The following TRPM3 variants were observed in gnomAD, a reference collection of about 807,000 sequenced individuals.
TRPM3 encodes the protein long transient receptor potential channel 3.
A neutral mutation model predicts 181.2 loss-of-function variants in TRPM3; 77 were observed. The observed-to-expected ratio is 0.42, with a 90% CI of 0.35 to 0.51. The LOEUF is 0.51. Among genes scored for constraint, TRPM3 ranks in the 20% least tolerant of loss-of-function variants. The pLI, the probability that TRPM3 is intolerant of heterozygous loss-of-function variation, is 0.01. For synonymous variants in TRPM3, 745 were observed against 796.4 expected (o/e 0.94, Z 1.09); for missense variants, 1,759 against 2,196.7 (o/e 0.80, Z 3.98).
At chr9:70,550,857 A>T (rs909829859) in intron 24 of TRPM3, among the ~76,000 whole-genome samples, 2 of 152,220 alleles carry the variant, frequency 1.3e-5, no homozygotes, top group African/African-American at 4.8e-5. Flanking sequence ...CTCTTGTCAA[A>T]TATGGGAGGC....
At chr9:71,158,688 A>C (rs1392139562) in intron 1 of TRPM3, among the ~76,000 whole-genome samples, 1 of 152,138 alleles carries the variant, frequency 6.6e-6, no homozygotes, top group African/African-American at 2.4e-5. Context: ...TGTCAACTTG[A>C]CTAAGCCATG....
At chr9:70,752,388 C>CA (rs1041586819) in intron 8 of TRPM3, among the ~76,000 whole-genome samples, 16 of 151,376 alleles carry the variant, frequency 1.1e-4, no homozygotes, top group African/African-American at 3.6e-4. Context: ...ATATCATACA[C>CA]AAAAAAAATC....
chr9:71,224,775 T>C (rs2080477460), intron 1 of TRPM3, among the ~76,000 whole-genome samples: 1 of 151,100 alleles, frequency 6.6e-6, no homozygotes, highest in African/African-American at 2.4e-5. Context: ...CAAGACCCTG[T>C]CTCTAAAAGA....
intron 2 of TRPM3, 55 bp from the exon 3 acceptor site, chr9:70,863,167 C>T (rs921064350): frequency 2.7e-6 from 4 of 1,470,978 alleles, no homozygotes; most frequent in East Asian, 4.6e-5. Flanking sequence ...TTGGGATACA[C>T]ACTTAAGGCA....
At chr9:71,423,264 C>A (rs1347033073) in intron 1 of TRPM3, among the ~76,000 whole-genome samples, 1 of 152,050 alleles carries the variant, frequency 6.6e-6, no homozygotes, top group Non-Finnish European at 1.5e-5. Context: ...TAGGAAAGAT[C>A]CACTAAAAGT....
In TRPM3 at chr9:71,080,624, CCTGGTCAT is replaced by C. The variant is rs1450777933; in HGVS notation, c.177+40546_177+40553del. 3.9e-5 allele frequency among the ~76,000 whole-genome samples: 6 copies of C among 152,090 alleles called. No individual in the cohort carries two copies. The East Asian group carries it at 1.2e-3, about 29-fold the overall frequency. ...TCCCACTGCCTCCTTGGGATGAATT[CCTGGTCAT>C]CCCCAACTCCAACTCTACCCAGCAA... On this transcript the variant is annotated intron_variant, in intron 1 of 25. Coordinates refer to ENST00000677713, the MANE Select transcript of TRPM3 (RefSeq NM_001366145.2).
chr9:71,277,908 A>C (rs2084350939), intron 1 of TRPM3, among the ~76,000 whole-genome samples: 1 of 152,212 alleles, frequency 6.6e-6, no homozygotes, highest in South Asian at 2.1e-4. Flanking sequence ...GTAAAGCAGG[A>C]GGTTATTTTT....
intron 1 of TRPM3, among the ~76,000 whole-genome samples, chr9:71,117,494 C>G (rs774074976): frequency 6.6e-6 from 1 of 152,080 alleles, no homozygotes; most frequent in East Asian, 1.9e-4. Context: ...AAATAGACAA[C>G]GTTCTTCAAT....
At chr9:70,937,357 T>C (rs1204197755) in intron 1 of TRPM3, among the ~76,000 whole-genome samples, 1 of 152,136 alleles carries the variant, frequency 6.6e-6, no homozygotes, top group African/African-American at 2.4e-5. Context: ...CATCCATAAG[T>C]TAGAAGATTT....
At chr9:71,150,207 C>CACAATGCACATAT (rs2075657558) in intron 1 of TRPM3, among the ~76,000 whole-genome samples, 1 of 151,936 alleles carries the variant, frequency 6.6e-6, no homozygotes, top group African/African-American at 2.4e-5. Flanking sequence ...GGTCCATATA[C>CACAATGCACATAT]ACACATGCAC....
chr9:71,367,657 G>A (rs745832828), intron 1 of TRPM3, among the ~76,000 whole-genome samples: 5 of 152,032 alleles, frequency 3.3e-5, no homozygotes, highest in Admixed American at 6.5e-5. Context: ...TAAGCTCATC[G>A]AAACCATCAA....
At chr9:71,099,609 TC>T (rs112965244) in intron 1 of TRPM3, among the ~76,000 whole-genome samples, 89 of 151,986 alleles carry the variant, frequency 5.9e-4, no homozygotes, top group African/African-American at 2.1e-3. Context: ...TTAGATGGGT[TC>T]CCCCCCTCAA....
intron 7 of TRPM3, among the ~76,000 whole-genome samples, chr9:70,778,084 C>A (rs1244948709): frequency 6.6e-6 from 1 of 151,924 alleles, no homozygotes; most frequent in Non-Finnish European, 1.5e-5. Flanking sequence ...TAGATTAATT[C>A]TTTGTCTGAG....
intron 1 of TRPM3, among the ~76,000 whole-genome samples, chr9:71,181,350 T>C (rs1234304576): frequency 7.0e-6 from 1 of 142,972 alleles, no homozygotes; most frequent in East Asian, 2.1e-4. Context: ...TTAAAAAGAA[T>C]AGAATGGGAA....
chr9:70,771,229 T>G (rs1327446016), intron 7 of TRPM3, among the ~76,000 whole-genome samples: 2 of 152,154 alleles, frequency 1.3e-5, no homozygotes, highest in Admixed American at 1.3e-4. Context: ...ATCAGCAAAT[T>G]CTACTGAGAG....
At chr9:70,868,495 A>C (rs528934191) in intron 1 of TRPM3, among the ~76,000 whole-genome samples, 2 of 152,204 alleles carry the variant, frequency 1.3e-5, no homozygotes, top group South Asian at 4.1e-4. Context: ...TTTTTCACAA[A>C]GTCTTTGCTA....
intron 6 of TRPM3, among the ~76,000 whole-genome samples, chr9:70,815,100 T>C (rs1391631826): frequency 2.0e-5 from 3 of 152,074 alleles, no homozygotes; most frequent in Non-Finnish European, 4.4e-5. Flanking sequence ...TTTTTATAAG[T>C]ATATATATGT....
chr9:70,978,047 T>C (rs2097324274), intron 1 of TRPM3, among the ~76,000 whole-genome samples: 1 of 152,192 alleles, frequency 6.6e-6, no homozygotes, highest in South Asian at 2.1e-4. Context: ...AACTCTCTAA[T>C]CATGCCTCGG....
In TRPM3 at chr9:70,536,658, A is replaced by T. The variant is rs1479781777; in HGVS notation, c.4455T>A (p.Ser1485=). The change falls in exon 26 of 26, where the codon TCT becomes TCA. Residue 1485 remains serine (S), a synonymous_variant. Coordinates refer to ENST00000677713, the MANE Select transcript of TRPM3 (RefSeq NM_001366145.2). The part of the protein sequence containing the change: ...DITSMDTRSF[S]SDYTHLPECQ... ...ATTCTGGGAGGTGGGTGTAGTCTGA[A>T]GAAAAAGATCTAGTGTCCATGGAGG... is the stretch of plus-strand genomic sequence containing the variant. The T allele has an allele frequency of 1.9e-6, 3 of 1,614,086 alleles. No individual in the cohort carries two copies. In the South Asian group the frequency reaches 3.3e-5, roughly 18 times the overall value.
Sources: gnomAD v4.1 joint callset for allele counts (sites outside exome capture counted in the v4.1 genomes callset) on GRCh38, gnomAD v4.1.1 for gene constraint, MANE v1.5 for transcripts, NCBI Gene and HGNC (gene_info 2026-07-23, HGNC 2026-07-21) for gene names.